Variants in SGCZ observed in about 807,000 individuals in gnomAD.
SGCZ encodes zeta-sarcoglycan.
Under a neutral mutation model 41.3 loss-of-function variants are expected in SGCZ, and 40 were observed. The ratio of observed to expected loss-of-function variants is 0.97; its 90% confidence interval spans 0.75 to 1.26. The LOEUF is 1.26. Among genes scored for constraint, SGCZ ranks in the 50% most tolerant of loss-of-function variants. The pLI, the probability that SGCZ is intolerant of heterozygous loss-of-function variation, is 0.00. For missense variants in SGCZ, 552 were observed against 369.8 expected (o/e 1.49, Z -4.04); for synonymous variants, 206 against 137.5 (o/e 1.50, Z -3.49).
At chr8:14,455,621 T>C (rs867894943) in intron 2 of SGCZ, among the ~76,000 whole-genome samples, 1 of 152,332 alleles carries the variant, frequency 6.6e-6, no homozygotes, top group Middle Eastern at 3.4e-3. Context: ...TTTAAAAGCA[T>C]ACCCCAATAA....
intron 3 of SGCZ, among the ~76,000 whole-genome samples, chr8:14,305,437 T>C (rs543376406): frequency 6.6e-6 from 1 of 152,334 alleles, no homozygotes; most frequent in East Asian, 1.9e-4. Context: ...ATGAGGTCTA[T>C]ATCTTCAAAA....
intron 1 of SGCZ, among the ~76,000 whole-genome samples, chr8:15,142,638 T>G (rs957515279): frequency 1.3e-5 from 2 of 151,598 alleles, no homozygotes; most frequent in African/African-American, 4.8e-5. Flanking sequence ...TACTACGAAA[T>G]CACCAGGAAA....
chr8:15,109,463 G>C (rs549777418), intron 1 of SGCZ, among the ~76,000 whole-genome samples: 93 of 152,212 alleles, frequency 6.1e-4, no homozygotes, highest in Non-Finnish European at 7.8e-4. Context: ...AGAATCATAA[G>C]ACACAGAAAG....
intron 1 of SGCZ, among the ~76,000 whole-genome samples, chr8:15,050,014 T>A (rs1012282559): frequency 6.6e-6 from 1 of 152,152 alleles, no homozygotes; most frequent in African/African-American, 2.4e-5. Context: ...TTATTAGCAA[T>A]GTGAGAACAA....
intron 1 of SGCZ, among the ~76,000 whole-genome samples, chr8:15,144,392 C>G (rs920772509): frequency 6.6e-6 from 1 of 151,856 alleles, no homozygotes; most frequent in Non-Finnish European, 1.5e-5. Flanking sequence ...TTAACGTTTC[C>G]TAGTTTAATG....
chr8:14,499,676 T>C (rs1802093776), intron 2 of SGCZ, among the ~76,000 whole-genome samples: 1 of 152,064 alleles, frequency 6.6e-6, no homozygotes, highest in Non-Finnish European at 1.5e-5. Context: ...TTATTTTTCT[T>C]TTTCCAGTGT....
chr8:14,728,384 A>AT (rs1290073823), intron 1 of SGCZ, among the ~76,000 whole-genome samples: 1 of 151,706 alleles, frequency 6.6e-6, no homozygotes, highest in Admixed American at 6.6e-5. Context: ...GGAAAGAAAA[A>AT]AAAAACATAA....
chr8:14,680,882 A>G (rs1442598604), intron 1 of SGCZ, among the ~76,000 whole-genome samples: 1 of 151,430 alleles, frequency 6.6e-6, no homozygotes, highest in East Asian at 1.9e-4. Context: ...AGCACATTGG[A>G]CACTCAGAAG....
intron 1 of SGCZ, among the ~76,000 whole-genome samples, chr8:14,844,167 T>G (rs76824134): frequency 1.3e-5 from 2 of 152,044 alleles, no homozygotes; most frequent in African/African-American, 4.8e-5. Flanking sequence ...AATGGCATAG[T>G]ATTTACATAT....
chr8:14,257,154 A>C (rs1585288039), intron 3 of SGCZ, among the ~76,000 whole-genome samples: 3 of 151,958 alleles, frequency 2.0e-5, no homozygotes, highest in African/African-American at 7.3e-5. Flanking sequence ...TATGGCAAAA[A>C]TTCACCTCTA....
At chr8:14,737,776 C>T (rs1073067) in intron 1 of SGCZ, among the ~76,000 whole-genome samples, 52,441 of 151,844 alleles carry the variant, frequency 0.35, 10,633 homozygotes, top group African/African-American at 0.56. Context: ...CTCATTTTAA[C>T]TTAATCATCT....
At chr8:14,406,240 G>A (rs769405038) in intron 2 of SGCZ, among the ~76,000 whole-genome samples, 1 of 151,982 alleles carries the variant, frequency 6.6e-6, no homozygotes, top group Non-Finnish European at 1.5e-5. Flanking sequence ...CCGATGTCGG[G>A]CTCAGTTCTC....
intron 5 of SGCZ, among the ~76,000 whole-genome samples, chr8:14,157,520 T>G (rs1404189802): frequency 2.0e-5 from 3 of 151,296 alleles, no homozygotes; most frequent in Non-Finnish European, 4.4e-5. Flanking sequence ...AATACTATTT[T>G]TACCAAGTGA....
chr8:14,367,142 A>G (rs1803737727), intron 2 of SGCZ, among the ~76,000 whole-genome samples: 1 of 152,124 alleles, frequency 6.6e-6, no homozygotes, highest in African/African-American at 2.4e-5. Context: ...TCGAAGTTCC[A>G]CAGATCTTCG....
At chr8:14,684,552 G>A (rs1033717329) in intron 1 of SGCZ, among the ~76,000 whole-genome samples, 1 of 152,136 alleles carries the variant, frequency 6.6e-6, no homozygotes, top group African/African-American at 2.4e-5. Context: ...TATTCATACT[G>A]TAAACATGTT....
rs538420585 is a variant in SGCZ at position 15,114,847 on chromosome 8, C to T, written c.39+122738G>A. ...CCAGACAAAAATGTCAGAGTGAACTCGAACACTTCAGTTCTGATTCTAAAT... is the reference window on the plus strand; with the variant it reads ...CCAGACAAAAATGTCAGAGTGAACTTGAACACTTCAGTTCTGATTCTAAAT... On this transcript the variant is annotated intron_variant, in intron 1 of 7. Transcript: ENST00000382080. 8.6e-5 allele frequency among the ~76,000 whole-genome samples: 13 copies of T among 151,356 alleles called. No individual in the cohort carries two copies. The South Asian group carries it at 1.2e-3, about 15-fold the overall frequency.
chr8:14,594,073 G>A (rs1479446140), intron 1 of SGCZ, among the ~76,000 whole-genome samples: 1 of 151,912 alleles, frequency 6.6e-6, no homozygotes, highest in African/African-American at 2.4e-5. Flanking sequence ...TACTCAGGAG[G>A]CTGACGTGGG....
rs149542838 is a variant in SGCZ, at chr8:14,384,366, C to A, written c.235-60162G>T. On this transcript the variant is annotated intron_variant, in intron 2 of 7. Coordinates refer to ENST00000382080, the MANE Select transcript of SGCZ (RefSeq NM_139167.4). Reference sequence around the variant, plus strand: ...ACAATAGCAAAGATTTGGAACCAACCCAAATGTCGACCAACGATAGACTGG... The same window carrying A: ...ACAATAGCAAAGATTTGGAACCAACACAAATGTCGACCAACGATAGACTGG... 3.4e-3 allele frequency among the ~76,000 whole-genome samples: 513 copies of A among 151,926 alleles called. 2 individuals carry two copies. The highest frequency in any genetic ancestry group is 0.02 in the Middle Eastern group (6 of 294).
At chr8:14,783,761 A>G (rs1398889024) in intron 1 of SGCZ, among the ~76,000 whole-genome samples, 1 of 152,130 alleles carries the variant, frequency 6.6e-6, no homozygotes, top group African/African-American at 2.4e-5. Flanking sequence ...GTCATTTGGA[A>G]ATAACTGGCA....
Sources: allele counts gnomAD v4.1 joint callset (sites outside exome capture counted in the v4.1 genomes callset), GRCh38; gene constraint gnomAD v4.1.1; transcripts MANE v1.5; gene names NCBI Gene and HGNC (gene_info 2026-07-23, HGNC 2026-07-21).